Variants in MRPL19 observed in about 807,000 individuals in gnomAD.
MRPL19 encodes mitochondrial ribosomal protein L19.
Under a neutral mutation model 34.0 loss-of-function variants are expected in MRPL19, and 31 were observed. The ratio of observed to expected loss-of-function variants is 0.91; its 90% CI spans 0.68 to 1.23. The LOEUF (loss-of-function observed/expected upper bound fraction) is 1.23, where lower values mean the gene tolerates loss of function less well. MRPL19 is among the 50% of genes most tolerant of loss of function. The pLI is 0.00. For missense variants in MRPL19, 384 were observed against 367.6 expected (o/e 1.04, Z -0.37); for synonymous variants, 152 against 127.7 (o/e 1.19, Z -1.28).
chr2:75,649,573 C>T (rs527721335), intron 2 of MRPL19, among the ~76,000 whole-genome samples: 4 of 152,222 alleles, frequency 2.6e-5, no homozygotes, highest in African/African-American at 4.8e-5. Flanking sequence ...AGAAGGGTAT[C>T]GTGATAATAT....
rs2286239 is a variant in MRPL19 at position 75,647,264 on chromosome 2, G to T, written c.221+45G>T. ...CTAGGCCGGCAACTGGGGTCGGTGCGCGCGTGAGCGCGTTCGCGTTCGAGG... is the reference window on the plus strand; with the variant it reads ...CTAGGCCGGCAACTGGGGTCGGTGCTCGCGTGAGCGCGTTCGCGTTCGAGG... On this transcript the variant is annotated intron_variant, in intron 2 of 5. Coordinates refer to ENST00000393909, the MANE Select transcript of MRPL19 (RefSeq NM_014763.4). 2.0e-6 allele frequency: 3 copies of T among 1,526,300 alleles called. No individual in the cohort carries two copies. The African/African-American group carries it at 4.1e-5, about 21-fold the overall frequency. The allele number at this position is 1,526,300 out of a possible 1,614,324, so 94.5% of individuals were successfully genotyped here.
At chr2:75,648,303 C>T (rs148095747) in intron 2 of MRPL19, among the ~76,000 whole-genome samples, 1 of 152,124 alleles carries the variant, frequency 6.6e-6, no homozygotes, top group Admixed American at 6.5e-5. Context: ...TCAGAAAGCA[C>T]ACAACTTAAA....
At chr2:75,653,294 T>G (rs1678369935) in intron 4 of MRPL19, among the ~76,000 whole-genome samples, 1 of 152,244 alleles carries the variant, frequency 6.6e-6, no homozygotes, top group Non-Finnish European at 1.5e-5. Context: ...GCAGTTGCTG[T>G]CTTGCTTATT....
intron 2 of MRPL19, chr2:75,647,488 AC>A (rs1383069567): frequency 9.3e-6 from 4 of 429,066 alleles, no homozygotes; most frequent in Non-Finnish European, 1.7e-5. Context: ...TTTGTCCTGT[AC>A]CAGAGTTTTT....
At position 75,654,919 on chromosome 2, in the gene MRPL19, T is replaced by C. The variant is rs755328390; in HGVS notation, c.657+2T>C. 3 of 1,607,478 alleles carry C rather than the reference T, an allele frequency of 1.9e-6. No homozygotes were observed. Among genetic ancestry groups the C allele is most frequent in the Non-Finnish European group, 2.5e-6 (3 of 1,177,038 alleles). On this transcript the variant is annotated splice_donor_variant, in intron 5 of 5. Transcript: ENST00000393909. LOFTEE classifies it high-confidence loss of function. Reference sequence around the variant, plus strand: ...AACCAAAAAGTTCCTGTTAATGAGGTATGGGTTATACATTTGAAACTAGAA... The same window carrying C: ...AACCAAAAAGTTCCTGTTAATGAGGCATGGGTTATACATTTGAAACTAGAA...
rs776504232 is a variant in MRPL19 at position 75,654,856 on chromosome 2, C to A, written c.596C>A (p.Thr199Asn). Residue 199 changes from threonine (T) to asparagine (N), a missense_variant, in exon 5 of 6, where the codon ACT (threonine) becomes AAT (asparagine). Transcript: ENST00000393909. Reference sequence around the variant, plus strand: ...CGAGATGCCCTTCCTGAATATAGCACTTTTGATGTGAATATGAAGCCAGTA... The same window carrying A: ...CGAGATGCCCTTCCTGAATATAGCAATTTTGATGTGAATATGAAGCCAGTA... The part of the protein sequence containing the change: ...YLRDALPEYS[T>N]FDVNMKPVVQ... The A allele has an allele frequency of 6.2e-7, 1 of 1,613,644 alleles. No individual in the cohort carries two copies. Among genetic ancestry groups the A allele is most frequent in the South Asian group, 1.1e-5 (1 of 91,072 alleles).
intron 2 of MRPL19, among the ~76,000 whole-genome samples, chr2:75,650,993 C>G (rs147621906): frequency 6.6e-6 from 1 of 152,268 alleles, no homozygotes; most frequent in East Asian, 1.9e-4. Context: ...AGTAGAAGGG[C>G]CTCTGCTGTT....
intron 2 of MRPL19, chr2:75,651,926 T>C (rs1025380680): frequency 2.8e-6 from 1 of 355,946 alleles, no homozygotes. Context: ...ATGCTATAGA[T>C]GTTTCATAAA....
chr2:75,652,049 T>C, intron 2 of MRPL19, 93 bp from the exon 3 acceptor site: 1 of 669,856 alleles, frequency 1.5e-6, no homozygotes, highest in Non-Finnish European at 2.5e-6. Flanking sequence ...ATAAAATACA[T>C]CAATATCATA....
chr2:75,655,029 GCTTTT>G (rs762097609), intron 5 of MRPL19, 30 bp from the exon 6 acceptor site: 2 of 1,052,462 alleles, frequency 1.9e-6, no homozygotes, highest in Non-Finnish European at 2.6e-6. Flanking sequence ...CCTAATTATT[GCTTTT>G]TTTTTTTTTT....
Position 75,651,988 on chromosome 2 carries a change from G to A in MRPL19, c.222-154G>A, listed in dbSNP as rs970045652. On this transcript the variant is annotated intron_variant, in intron 2 of 5. Coordinates refer to ENST00000393909, the MANE Select transcript of MRPL19 (RefSeq NM_014763.4). ...CTCAGGAATTGTTAGCTATTTTCAT[G>A]AGCATTAACAATTTTAGAAATAAGA... The A allele has an allele frequency of 1.5e-4, 72 of 494,398 alleles. 1 individual carries two copies. In the South Asian group the frequency reaches 2.2e-3, roughly 15 times the overall value. The allele number at this position is 494,398 out of a possible 1,614,324, so 30.6% of individuals were successfully genotyped here. A position where few individuals can be genotyped will look rare whatever the true frequency, so the allele number is the denominator to read the frequency against.
At position 75,656,778 on chromosome 2, in the gene MRPL19, G is replaced by A. The variant is rs182154340; in HGVS notation, c.*1493G>A. On this transcript the variant is annotated 3_prime_UTR_variant, in exon 6 of 6. Coordinates refer to ENST00000393909, the MANE Select transcript of MRPL19 (RefSeq NM_014763.4). ...ATTGGGTTTTAGGTGAACCCTTCCA[G>A]ATAGTAACTCATTTCTGTCAGTTCT... is the stretch of plus-strand genomic sequence containing the variant. 2.0e-5 allele frequency: 3 copies of A among 152,214 alleles called. No individual in the cohort carries two copies. The highest frequency in any genetic ancestry group is 2.0e-4 in the Admixed American group (3 of 15,266). 9.4% of individuals were successfully genotyped at this position (152,214 alleles called of 1,614,324 possible).
rs546319730 is a variant in MRPL19 at position 75,646,848 on chromosome 2, G to C, written c.41G>C (p.Gly14Ala). ...CIAAGHWAAM[G>A]LGRSFQAART... ...GCAGCGGGGCACTGGGCTGCAATGG[G>C]CCTAGGCCGGAGTTTCCAAGCCGCC... The change falls in exon 1 of 6, where the codon GGC (glycine) becomes GCC (alanine). Residue 14 changes from glycine to alanine, a missense_variant. Physicochemically the swap from Gly to Ala is moderately conservative, Grantham distance 60. Coordinates refer to ENST00000393909, the MANE Select transcript of MRPL19 (RefSeq NM_014763.4). 3.8e-6 allele frequency: 6 copies of C among 1,596,002 alleles called. No individual in the cohort carries two copies. Among genetic ancestry groups the C allele is most frequent in the African/African-American group, 1.3e-5 (1 of 74,818 alleles).
rs113208312 is a variant in MRPL19, at chr2:75,651,565, C to G, written c.222-577C>G. 6.1e-4 allele frequency: 253 copies of G among 413,918 alleles called. 1 individual carries two copies. Among genetic ancestry groups the G allele is most frequent in the African/African-American group, 4.7e-3 (230 of 48,898 alleles). 25.6% of individuals were successfully genotyped at this position (413,918 alleles called of 1,614,324 possible). On this transcript the variant is annotated intron_variant, in intron 2 of 5. Transcript: ENST00000393909. ...ATTCAAACTGGTCTATAGTCTTGACCAGCAAACACAGCCAACAAGCCTGCA... is the reference window on the plus strand; with the variant it reads ...ATTCAAACTGGTCTATAGTCTTGACGAGCAAACACAGCCAACAAGCCTGCA...
rs1324522119 is a variant in MRPL19, at chr2:75,655,109, C to T, written c.703C>T (p.Arg235Cys). ...TAAGCCCTGGTCTAAACGCTGGGAA[C>T]GTCCAAATTTTAATATTAAAGGAAT... Reference protein sequence around the residue: ...KPKPWSKRWERPNFNIKGIRF... With the variant: ...KPKPWSKRWECPNFNIKGIRF... Residue 235 changes from arginine to cysteine, a missense_variant, in exon 6 of 6, where the codon CGT becomes TGT. Arg to Cys is a radical substitution (Grantham distance 180). Coordinates refer to ENST00000393909, the MANE Select transcript of MRPL19 (RefSeq NM_014763.4). 13 of 1,604,644 alleles carry T rather than the reference C, an allele frequency of 8.1e-6. No individual in the cohort carries two copies. The highest frequency in any genetic ancestry group is 2.2e-5 in the East Asian group (1 of 44,610).
In MRPL19 at chr2:75,652,172, G is replaced by A. The variant is rs746876578; in HGVS notation, c.252G>A (p.Arg84=). Residue 84 remains arginine, a synonymous_variant, in exon 3 of 6, where the codon AGG becomes AGA. Coordinates refer to ENST00000393909, the MANE Select transcript of MRPL19 (RefSeq NM_014763.4). ...TGAGTCCTGAATTCATTCCTCGAAG[G>A]GGAAGAACAGATCCTCTGAAATTTC... ...RFLSPEFIPR[R]GRTDPLKFQI... is the part of the protein sequence containing the mutation. The A allele has an allele frequency of 4.4e-6, 7 of 1,599,314 alleles. No homozygotes were observed. Among genetic ancestry groups the A allele is most frequent in the East Asian group, 2.2e-5 (1 of 44,652 alleles).
rs1678545592 is a variant in MRPL19, at chr2:75,659,288, A to G, written c.*4003A>G. Among the ~76,000 whole-genome samples, 1 of 152,168 alleles carries G rather than the reference A, an allele frequency of 6.6e-6. No homozygotes were observed. The highest frequency in any genetic ancestry group is 1.5e-5 in the Non-Finnish European group (1 of 68,002). On this transcript the variant is annotated 3_prime_UTR_variant, in exon 6 of 6. Transcript: ENST00000393909. ...TAGCATACAAAATCTCTACTCCTGTAAAGCTCTGCCCCTGCCCCCCTTATG... is the reference window on the plus strand; with the variant it reads ...TAGCATACAAAATCTCTACTCCTGTGAAGCTCTGCCCCTGCCCCCCTTATG...
intron 2 of MRPL19, chr2:75,651,300 G>A: frequency 1.9e-6 from 1 of 517,820 alleles, no homozygotes; most frequent in Non-Finnish European, 3.9e-6. Context: ...CTGTGTCTCT[G>A]GATTTGTAGG....
rs1678465469 is a variant in MRPL19 at position 75,656,819 on chromosome 2, T to A, written c.*1534T>A. On this transcript the variant is annotated 3_prime_UTR_variant, in exon 6 of 6. Transcript: ENST00000393909. ...TGTCAGTTCTGGGAAACACTTAGCA[T>A]TGGTTGATGATTTATTCTCTGCTGC... 2 of 152,244 alleles carry A rather than the reference T, an allele frequency of 1.3e-5. No individual in the cohort carries two copies. The highest frequency in any genetic ancestry group is 4.1e-4 in the South Asian group (2 of 4,828). 9.4% of individuals were successfully genotyped at this position (152,244 alleles called of 1,614,324 possible). A position where few individuals can be genotyped will look rare whatever the true frequency, so the allele number is the denominator to read the frequency against.
Sources: allele counts gnomAD v4.1 joint callset (sites outside exome capture counted in the v4.1 genomes callset), GRCh38; gene constraint gnomAD v4.1.1; transcripts MANE v1.5; gene names NCBI Gene and HGNC (gene_info 2026-07-23, HGNC 2026-07-21).